The following XKR4 variants were observed in gnomAD, a reference collection of about 807,000 sequenced individuals.
XKR4 encodes XK-related protein 4.
Under a neutral mutation model 53.9 loss-of-function variants are expected in XKR4, and 12 were observed. That is an observed-to-expected ratio of 0.22 (90% CI 0.14 to 0.36). XKR4 has a LOEUF of 0.36. Among genes scored for constraint, XKR4 ranks in the 10% least tolerant of loss-of-function variants. The pLI is 1.00. For missense variants in XKR4, 799 were observed against 859.5 expected (o/e 0.93, Z 0.88); for synonymous variants, 354 against 362.4 (o/e 0.98, Z 0.26).
intron 1 of XKR4, among the ~76,000 whole-genome samples, chr8:55,241,326 C>T (rs1047589724): frequency 6.6e-5 from 10 of 152,180 alleles, no homozygotes; most frequent in African/African-American, 2.2e-4. Flanking sequence ...CTACAGCAAC[C>T]TTTGTGGTCC....
chr8:55,444,210 C>A (rs1048257497), intron 2 of XKR4, among the ~76,000 whole-genome samples: 4 of 151,904 alleles, frequency 2.6e-5, no homozygotes, highest in Non-Finnish European at 5.9e-5. Flanking sequence ...ACTCCTGCCT[C>A]ATAATACAAA....
intron 1 of XKR4, among the ~76,000 whole-genome samples, chr8:55,169,381 C>A (rs1165176778): frequency 6.6e-6 from 1 of 152,210 alleles, no homozygotes; most frequent in Non-Finnish European, 1.5e-5. Flanking sequence ...GTGGTTTCAT[C>A]CCTTTTCAAA....
chr8:55,399,565 G>T (rs774211975), intron 2 of XKR4, among the ~76,000 whole-genome samples: 2 of 152,138 alleles, frequency 1.3e-5, no homozygotes, highest in Non-Finnish European at 2.9e-5. Context: ...CACATGTGTG[G>T]AAATGCACTA....
chr8:55,385,995 C>T (rs888847565), intron 2 of XKR4, among the ~76,000 whole-genome samples: 2 of 152,064 alleles, frequency 1.3e-5, no homozygotes, highest in African/African-American at 4.8e-5. Flanking sequence ...CTTTTAAAAT[C>T]ATTTTATCCA....
intron 1 of XKR4, among the ~76,000 whole-genome samples, chr8:55,195,767 A>T (rs978732970): frequency 2.0e-5 from 3 of 152,162 alleles, no homozygotes; most frequent in African/African-American, 7.2e-5. Flanking sequence ...TTTTGCATAT[A>T]CAAACAAATA....
intron 1 of XKR4, among the ~76,000 whole-genome samples, chr8:55,243,373 T>TTA (rs935634994): frequency 1.3e-5 from 2 of 152,220 alleles, no homozygotes; most frequent in African/African-American, 4.8e-5. Flanking sequence ...ACTGATCTCT[T>TTA]TATAGTCTCC....
intron 1 of XKR4, among the ~76,000 whole-genome samples, chr8:55,237,763 A>G (rs1818153663): frequency 6.6e-6 from 1 of 152,238 alleles, no homozygotes; most frequent in African/African-American, 2.4e-5. Flanking sequence ...CTGATGTAGT[A>G]TGTGAAAATC....
At chr8:55,506,134 A>G (rs555688604) in intron 2 of XKR4, among the ~76,000 whole-genome samples, 1 of 152,212 alleles carries the variant, frequency 6.6e-6, no homozygotes, top group African/African-American at 2.4e-5. Context: ...ATCCTTTCAG[A>G]GGTTTTTTGT....
chr8:55,307,555 G>A (rs1819321528), intron 1 of XKR4, among the ~76,000 whole-genome samples: 1 of 152,102 alleles, frequency 6.6e-6, no homozygotes, highest in African/African-American at 2.4e-5. Context: ...TTGGGAGGCT[G>A]AGGTGGAAGG....
At chr8:55,188,224 T>A (rs1938229523) in intron 1 of XKR4, among the ~76,000 whole-genome samples, 1 of 152,174 alleles carries the variant, frequency 6.6e-6, no homozygotes, top group Non-Finnish European at 1.5e-5. Flanking sequence ...TTAAAGTTGT[T>A]TAGTAGTGTT....
At chr8:55,373,182 T>C (rs1220115519) in intron 2 of XKR4, among the ~76,000 whole-genome samples, 2 of 152,176 alleles carry the variant, frequency 1.3e-5, no homozygotes, top group Non-Finnish European at 2.9e-5. Flanking sequence ...TTGGGGTTTT[T>C]TTTAGATGGA....
At chr8:55,368,754 G>T (rs957512335) in intron 2 of XKR4, among the ~76,000 whole-genome samples, 1 of 152,166 alleles carries the variant, frequency 6.6e-6, no homozygotes, top group Non-Finnish European at 1.5e-5. Flanking sequence ...GCACTCAAAA[G>T]TCCTCTGACT....
chr8:55,508,573 C>T (rs567384182), intron 2 of XKR4, among the ~76,000 whole-genome samples: 1 of 152,124 alleles, frequency 6.6e-6, no homozygotes, highest in African/African-American at 2.4e-5. Flanking sequence ...ATAGGTTTCT[C>T]AAAGGAGATG....
intron 1 of XKR4, among the ~76,000 whole-genome samples, chr8:55,317,298 T>C (rs1819491669): frequency 1.3e-5 from 2 of 152,202 alleles, no homozygotes; most frequent in South Asian, 4.1e-4. Flanking sequence ...GAGTTTTGCA[T>C]CTAATGTCCC....
At chr8:55,509,145 C>A (rs1806585696) in intron 2 of XKR4, among the ~76,000 whole-genome samples, 1 of 152,144 alleles carries the variant, frequency 6.6e-6, no homozygotes, top group African/African-American at 2.4e-5. Context: ...GGGAGCACTG[C>A]CTCTGTCCTC....
intron 1 of XKR4, among the ~76,000 whole-genome samples, chr8:55,103,851 G>GTGTATATATATATA (rs1187141027): frequency 1.9e-5 from 2 of 106,018 alleles, no homozygotes; most frequent in African/African-American, 3.5e-5. Flanking sequence ...AAATGACTTT[G>GTGTATATATATATA]TATATATATA....
intron 1 of XKR4, among the ~76,000 whole-genome samples, chr8:55,249,331 T>A (rs1229629784): frequency 6.6e-6 from 1 of 152,196 alleles, no homozygotes; most frequent in Non-Finnish European, 1.5e-5. Context: ...GTCTTCTCTT[T>A]TGGAGGGTGT....
chr8:55,348,267 C>T (rs1042110309), intron 1 of XKR4, among the ~76,000 whole-genome samples: 1 of 152,160 alleles, frequency 6.6e-6, no homozygotes, highest in African/African-American at 2.4e-5. Flanking sequence ...GAATCCAGAA[C>T]ATCAAGAGCC....
intron 2 of XKR4, among the ~76,000 whole-genome samples, chr8:55,471,723 T>A (rs1805887327): frequency 6.6e-6 from 1 of 152,124 alleles, no homozygotes; most frequent in Non-Finnish European, 1.5e-5. Context: ...CCCTCATGAA[T>A]GGTTAACACC....
Sources: allele counts gnomAD v4.1 joint callset (sites outside exome capture counted in the v4.1 genomes callset), GRCh38; gene constraint gnomAD v4.1.1; transcripts MANE v1.5; gene names NCBI Gene and HGNC (gene_info 2026-07-23, HGNC 2026-07-21).